AGBL1: variants seen among roughly 807,000 people sequenced by gnomAD.
AGBL1 encodes the protein AGBL carboxypeptidase 1, also known as cytosolic carboxypeptidase 4.
AGBL1 carries 130 observed loss-of-function variants against 118.9 expected under a neutral mutation model. The observed-to-expected ratio is 1.09, with a 90% CI of 0.95 to 1.26. The LOEUF (loss-of-function observed/expected upper bound fraction) is 1.26, where lower values mean the gene tolerates loss of function less well. AGBL1 is among the 50% of genes most tolerant of loss of function. The pLI is 0.00. For missense variants in AGBL1, 1,584 were observed against 1,298.1 expected (o/e 1.22, Z -3.38); for synonymous variants, 555 against 478.9 (o/e 1.16, Z -2.08).
intron 18 of AGBL1, among the ~76,000 whole-genome samples, chr15:86,483,795 A>G (rs2082681559): frequency 6.6e-6 from 1 of 152,154 alleles, no homozygotes; most frequent in Non-Finnish European, 1.5e-5. Flanking sequence ...TAGCTGTTAA[A>G]ATAAACAAAC....
chr15:86,236,531 A>G (rs1394154594), intron 6 of AGBL1, among the ~76,000 whole-genome samples: 1 of 152,034 alleles, frequency 6.6e-6, no homozygotes, highest in African/African-American at 2.4e-5. Flanking sequence ...TAAAAGGAGA[A>G]TGCACACGGC....
intron 21 of AGBL1, among the ~76,000 whole-genome samples, chr15:86,628,650 G>A (rs1188624132): frequency 6.6e-6 from 1 of 151,970 alleles, no homozygotes; most frequent in Non-Finnish European, 1.5e-5. Flanking sequence ...CAAAAAATTA[G>A]CCAGGCGTGG....
At chr15:86,625,518 T>G (rs550149171) in intron 21 of AGBL1, among the ~76,000 whole-genome samples, 6 of 151,950 alleles carry the variant, frequency 3.9e-5, no homozygotes, top group Non-Finnish European at 7.4e-5. Flanking sequence ...GGGTGTTCAT[T>G]TACAAACTAC....
At chr15:86,127,989 T>A (rs2076769358) in intron 1 of AGBL1, among the ~76,000 whole-genome samples, 1 of 152,212 alleles carries the variant, frequency 6.6e-6, no homozygotes, top group African/African-American at 2.4e-5. Flanking sequence ...ACCCTCTTTT[T>A]TGATTGGGCC....
intron 1 of AGBL1, among the ~76,000 whole-genome samples, chr15:86,118,573 G>C (rs1283122298): frequency 6.6e-6 from 1 of 152,016 alleles, no homozygotes; most frequent in African/African-American, 2.4e-5. Context: ...CAGGTGCAGA[G>C]GTTAAAAATA....
chr15:86,130,459 G>A (rs529195235), intron 1 of AGBL1, among the ~76,000 whole-genome samples: 1 of 152,142 alleles, frequency 6.6e-6, no homozygotes, highest in South Asian at 2.1e-4. Flanking sequence ...TGAAACATGA[G>A]GAAAGCAAGT....
At chr15:86,134,478 C>T (rs1245997001) in intron 1 of AGBL1, among the ~76,000 whole-genome samples, 5 of 151,804 alleles carry the variant, frequency 3.3e-5, no homozygotes, top group African/African-American at 7.3e-5. Flanking sequence ...ACTCAAAGTG[C>T]GAGGGGATGG....
intron 22 of AGBL1, among the ~76,000 whole-genome samples, chr15:86,874,210 A>G (rs1460499595): frequency 6.6e-6 from 1 of 152,188 alleles, no homozygotes; most frequent in Non-Finnish European, 1.5e-5. Context: ...TTTCCAATCC[A>G]TTCCACAGGG....
rs565507690 is a variant in AGBL1, at chr15:86,306,598, T to C, written c.2374+11190T>C. On this transcript the variant is annotated intron_variant, in intron 17 of 22. Transcript: ENST00000614907. The stretch of plus-strand genomic sequence containing the variant: ...ACTTAGATTGCTTCCAGATCTTAGC[T>C]ATTGTAAAAACAGTGCTGCAATGAA... Among the ~76,000 whole-genome samples, 5 of 152,302 alleles carry C rather than the reference T, an allele frequency of 3.3e-5. No individual in the cohort carries two copies. In the South Asian group the frequency reaches 8.3e-4, roughly 25 times the overall value.
At chr15:86,374,669 C>G (rs1284028030) in intron 17 of AGBL1, among the ~76,000 whole-genome samples, 1 of 152,216 alleles carries the variant, frequency 6.6e-6, no homozygotes, top group Non-Finnish European at 1.5e-5. Flanking sequence ...AAAGGAGAAC[C>G]TCAGAGTCCT....
chr15:86,606,003 T>C (rs2084571001), intron 21 of AGBL1, among the ~76,000 whole-genome samples: 1 of 151,648 alleles, frequency 6.6e-6, no homozygotes, highest in Non-Finnish European at 1.5e-5. Flanking sequence ...GGCAGGCACC[T>C]GTAATCCCAG....
intron 1 of AGBL1, among the ~76,000 whole-genome samples, chr15:86,111,497 CT>C (rs1472337604): frequency 6.6e-6 from 1 of 152,170 alleles, no homozygotes; most frequent in Admixed American, 6.5e-5. Flanking sequence ...AGCACAGAGG[CT>C]GACACACAGG....
At chr15:86,233,832 C>A (rs1202615815) in intron 6 of AGBL1, among the ~76,000 whole-genome samples, 3 of 152,112 alleles carry the variant, frequency 2.0e-5, no homozygotes, top group African/African-American at 7.2e-5. Context: ...TTGAACTGAA[C>A]CTGACCCAGT....
At chr15:86,802,687 C>A (rs985760640) in intron 22 of AGBL1, among the ~76,000 whole-genome samples, 1 of 152,110 alleles carries the variant, frequency 6.6e-6, no homozygotes, top group African/African-American at 2.4e-5. Flanking sequence ...GACACACAAA[C>A]AAACATGAAA....
intron 21 of AGBL1, among the ~76,000 whole-genome samples, chr15:86,668,724 A>C (rs1004910993): frequency 6.6e-6 from 1 of 152,188 alleles, no homozygotes; most frequent in Non-Finnish European, 1.5e-5. Context: ...ACAGAGGCCC[A>C]TGCAAGGTTT....
At chr15:86,837,812 C>G (rs2141429880) in intron 22 of AGBL1, among the ~76,000 whole-genome samples, 1 of 152,268 alleles carries the variant, frequency 6.6e-6, no homozygotes, top group Non-Finnish European at 1.5e-5. Context: ...GCTCAGAAAT[C>G]AGAAGTTTAC....
chr15:86,114,349 C>A (rs1047933863), intron 1 of AGBL1, among the ~76,000 whole-genome samples: 2 of 152,180 alleles, frequency 1.3e-5, no homozygotes, highest in Admixed American at 1.3e-4. Flanking sequence ...TCAGAGGTGT[C>A]ACTTCCAACT....
In AGBL1 at chr15:86,526,907, A is replaced by G. The variant is rs182392284; in HGVS notation, c.2685+3968A>G. Among the ~76,000 whole-genome samples, 10 of 152,268 alleles carry G rather than the reference A, an allele frequency of 6.6e-5. No homozygotes were observed. In the East Asian group the frequency reaches 1.9e-3, roughly 29 times the overall value. On this transcript the variant is annotated intron_variant, in intron 19 of 22. Coordinates refer to ENST00000614907, the MANE Select transcript of AGBL1 (RefSeq NM_001386094.1). Reference sequence around the variant, plus strand: ...AAATTACCTGTTGGGTACAATGTACACTATTCAGGTGATAGGTACACTTAA... The same window carrying G: ...AAATTACCTGTTGGGTACAATGTACGCTATTCAGGTGATAGGTACACTTAA...
intron 18 of AGBL1, among the ~76,000 whole-genome samples, chr15:86,476,352 C>T (rs1324547661): frequency 6.6e-6 from 1 of 152,124 alleles, no homozygotes; most frequent in African/African-American, 2.4e-5. Flanking sequence ...AGTGCAGAGA[C>T]ACACATAGGC....
Sources: gnomAD v4.1 joint callset for allele counts (sites outside exome capture counted in the v4.1 genomes callset) on GRCh38, gnomAD v4.1.1 for gene constraint, MANE v1.5 for transcripts, NCBI Gene and HGNC (gene_info 2026-07-23, HGNC 2026-07-21) for gene names.